AGBL4: variants seen among roughly 807,000 people sequenced by gnomAD.
The protein encoded by AGBL4 is cytosolic carboxypeptidase 6.
Under a neutral mutation model 66.4 loss-of-function variants are expected in AGBL4, and 58 were observed. That is an observed-to-expected ratio of 0.87 (90% confidence interval 0.71 to 1.09). The LOEUF (loss-of-function observed/expected upper bound fraction) is 1.09. Ranked by LOEUF, AGBL4 falls within the 50% of genes least tolerant of loss-of-function variation. The pLI is 0.00. For synonymous variants in AGBL4, 234 were observed against 222.9 expected, an observed-to-expected ratio of 1.05 and a Z score of -0.44; for missense variants, 579 against 631.0, an observed-to-expected ratio of 0.92 and a Z score of 0.88.
chr1:48,891,281 G>A (rs1032914605), intron 5 of AGBL4, among the ~76,000 whole-genome samples: 1 of 152,054 alleles, frequency 6.6e-6, no homozygotes, highest in Admixed American at 6.5e-5. Context: ...TAGGAATCAG[G>A]TCAAGACTTT....
At chr1:49,616,104 G>T (rs1209648415) in intron 3 of AGBL4, among the ~76,000 whole-genome samples, 3 of 152,130 alleles carry the variant, frequency 2.0e-5, no homozygotes, top group Non-Finnish European at 4.4e-5. Flanking sequence ...TATATGTAAA[G>T]TAGTACCACC....
At chr1:49,254,025 A>C (rs1309644341) in intron 3 of AGBL4, among the ~76,000 whole-genome samples, 2 of 152,230 alleles carry the variant, frequency 1.3e-5, no homozygotes, top group African/African-American at 4.8e-5. Context: ...TCAAAATAAT[A>C]AGAACCATCT....
chr1:49,611,861 C>A (rs774348026), intron 3 of AGBL4, among the ~76,000 whole-genome samples: 2 of 152,112 alleles, frequency 1.3e-5, no homozygotes, highest in Non-Finnish European at 2.9e-5. Context: ...GTCCTAATTT[C>A]TCAGGAAATA....
intron 6 of AGBL4, among the ~76,000 whole-genome samples, chr1:48,751,756 A>T (rs1420253093): frequency 6.6e-6 from 1 of 152,188 alleles, no homozygotes; most frequent in East Asian, 1.9e-4. Context: ...CTTCCTCTGG[A>T]TGTTCTAAAT....
intron 5 of AGBL4, among the ~76,000 whole-genome samples, chr1:48,935,977 A>G (rs1571041320): frequency 1.5e-5 from 2 of 137,724 alleles, no homozygotes. Context: ...AAAAAAAAAA[A>G]AAAAAAAAAA....
chr1:49,516,958 C>T (rs1649877760), intron 3 of AGBL4, among the ~76,000 whole-genome samples: 1 of 151,918 alleles, frequency 6.6e-6, no homozygotes, highest in African/African-American at 2.4e-5. Context: ...ATAATCAAAA[C>T]ATAAATTTAA....
intron 3 of AGBL4, among the ~76,000 whole-genome samples, chr1:49,319,844 T>C (rs190906084): frequency 3.9e-5 from 6 of 152,286 alleles, no homozygotes; most frequent in Admixed American, 3.9e-4. Flanking sequence ...GGCACCAATC[T>C]CATTTCTTAG....
At chr1:49,107,081 G>A (rs906237510) in intron 4 of AGBL4, among the ~76,000 whole-genome samples, 11 of 152,126 alleles carry the variant, frequency 7.2e-5, no homozygotes, top group Admixed American at 7.2e-4. Context: ...AACAAGCAGA[G>A]AAGAAAGGAA....
At chr1:49,819,833 T>C (rs1645322781) in intron 2 of AGBL4, among the ~76,000 whole-genome samples, 3 of 152,086 alleles carry the variant, frequency 2.0e-5, no homozygotes, top group Admixed American at 1.3e-4. Flanking sequence ...ATTATGCTAG[T>C]AGAAAGAGCA....
intron 3 of AGBL4, among the ~76,000 whole-genome samples, chr1:49,357,474 G>T (rs1389751362): frequency 6.6e-6 from 1 of 152,168 alleles, no homozygotes; most frequent in Non-Finnish European, 1.5e-5. Flanking sequence ...AATGGGCTCT[G>T]CTGTCCTAAT....
At chr1:49,572,879 A>T (rs1474953283) in intron 3 of AGBL4, among the ~76,000 whole-genome samples, 2 of 152,104 alleles carry the variant, frequency 1.3e-5, no homozygotes, top group Non-Finnish European at 2.9e-5. Flanking sequence ...ATTGGGTGGG[A>T]ACCATCTAAT....
chr1:49,809,414 C>T (rs973870062), intron 2 of AGBL4, among the ~76,000 whole-genome samples: 4 of 149,744 alleles, frequency 2.7e-5, no homozygotes, highest in African/African-American at 9.8e-5. Context: ...TTCTGGACAA[C>T]ACCAGTGCTA....
At chr1:48,807,674 T>C (rs1645956907) in intron 6 of AGBL4, among the ~76,000 whole-genome samples, 1 of 152,148 alleles carries the variant, frequency 6.6e-6, no homozygotes, top group Non-Finnish European at 1.5e-5. Context: ...TTTCCTTTTA[T>C]CCAGCCAATT....
chr1:49,561,291 A>T (rs1016792252), intron 3 of AGBL4, among the ~76,000 whole-genome samples: 19 of 150,988 alleles, frequency 1.3e-4, no homozygotes, highest in Admixed American at 9.2e-4. Flanking sequence ...TTTATTTTTT[A>T]TTATTATTAT....
intron 3 of AGBL4, among the ~76,000 whole-genome samples, chr1:49,344,297 A>G (rs1316280836): frequency 2.0e-5 from 3 of 152,184 alleles, no homozygotes; most frequent in African/African-American, 7.2e-5. Context: ...TGTACCCTAA[A>G]ACTTAAAGTA....
At chr1:49,320,355 C>T (rs150685353) in intron 3 of AGBL4, among the ~76,000 whole-genome samples, 1 of 152,230 alleles carries the variant, frequency 6.6e-6, no homozygotes, top group Non-Finnish European at 1.5e-5. Context: ...GTGATCTACA[C>T]AGCTAAAATA....
intron 3 of AGBL4, among the ~76,000 whole-genome samples, chr1:49,421,546 G>GA (rs1370475737): frequency 1.3e-5 from 2 of 152,088 alleles, no homozygotes; most frequent in African/African-American, 4.8e-5. Flanking sequence ...ATTGACAAGA[G>GA]AAAAAACGAA....
intron 6 of AGBL4, among the ~76,000 whole-genome samples, chr1:48,784,247 C>T (rs940703070): frequency 3.9e-5 from 6 of 152,164 alleles, no homozygotes; most frequent in Admixed American, 6.5e-5. Flanking sequence ...GCTGCTGTTA[C>T]TGTTAAAATA....
chr1:48,568,732 T>A (rs902010812), intron 11 of AGBL4, among the ~76,000 whole-genome samples: 8 of 152,234 alleles, frequency 5.3e-5, no homozygotes, highest in African/African-American at 1.9e-4. Flanking sequence ...GTCCATTTCA[T>A]TCTGTGAGTT....
Sources: allele counts gnomAD v4.1 joint callset (sites outside exome capture counted in the v4.1 genomes callset), GRCh38; gene constraint gnomAD v4.1.1; transcripts MANE v1.5; gene names NCBI Gene and HGNC (gene_info 2026-07-23, HGNC 2026-07-21).